Variants in NELL1 observed in about 807,000 individuals in gnomAD.
NELL1 encodes the protein protein kinase C-binding protein NELL1.
In NELL1, 76 loss-of-function variants were observed where a neutral mutation model predicts 107.4. That is an observed-to-expected ratio of 0.71 (90% CI 0.59 to 0.86). The LOEUF (loss-of-function observed/expected upper bound fraction) is 0.86. NELL1 is among the 40% of genes least tolerant of loss of function. The pLI is 0.00. For synonymous variants in NELL1, 353 were observed against 341.2 expected (o/e 1.03, Z -0.38); for missense variants, 1,024 against 1,005.5 (o/e 1.02, Z -0.25).
intron 16 of NELL1, among the ~76,000 whole-genome samples, chr11:21,535,222 G>A (rs10833560): frequency 0.34 from 51,743 of 151,838 alleles, 10,728 homozygotes; most frequent in Non-Finnish European, 0.47. Flanking sequence ...CATGAAATCC[G>A]AACAACTGAT....
Position 21,575,387 on chromosome 11 carries a change from A to G in NELL1, c.*365A>G, listed in dbSNP as rs1000141105. 5.6e-6 allele frequency: 1 copy of G among 178,274 alleles called. No homozygotes were observed. Among genetic ancestry groups the G allele is most frequent in the African/African-American group, 2.4e-5 (1 of 42,264 alleles). 11.0% of individuals were successfully genotyped at this position (178,274 alleles called of 1,614,324 possible). ...TTTTGTGTACTAACATAATAGAGAG[A>G]GACTCAGCTCCTTTTATTTATTTTG... On this transcript the variant is annotated 3_prime_UTR_variant, in exon 20 of 20. Transcript: ENST00000357134.
At chr11:21,237,233 A>G (rs1383297359) in intron 14 of NELL1, among the ~76,000 whole-genome samples, 1 of 152,116 alleles carries the variant, frequency 6.6e-6, no homozygotes, top group Admixed American at 6.6e-5. Flanking sequence ...AGGATCTGCA[A>G]TAATGTTATC....
At chr11:21,410,413 G>A (rs1379668673) in intron 15 of NELL1, among the ~76,000 whole-genome samples, 1 of 152,080 alleles carries the variant, frequency 6.6e-6, no homozygotes, top group Non-Finnish European at 1.5e-5. Flanking sequence ...AGGAAGGCGA[G>A]TAGGGAAAGC....
At chr11:21,291,937 A>G (rs2133961010) in intron 14 of NELL1, among the ~76,000 whole-genome samples, 2 of 152,268 alleles carry the variant, frequency 1.3e-5, no homozygotes, top group East Asian at 3.9e-4. Flanking sequence ...CAAAATAATA[A>G]GAGCTATTTA....
At chr11:21,344,513 CT>C (rs571641852) in intron 14 of NELL1, among the ~76,000 whole-genome samples, 29 of 149,192 alleles carry the variant, frequency 1.9e-4, no homozygotes, top group East Asian at 1.2e-3. Flanking sequence ...TAACAATTTT[CT>C]TTTTTTTTTC....
intron 2 of NELL1, among the ~76,000 whole-genome samples, chr11:20,727,102 G>A (rs1855525011): frequency 6.6e-6 from 1 of 152,142 alleles, no homozygotes; most frequent in South Asian, 2.1e-4. Flanking sequence ...AATCCTTTGG[G>A]TATATACCCA....
At chr11:21,054,394 G>A (rs1389192169) in intron 12 of NELL1, among the ~76,000 whole-genome samples, 1 of 151,862 alleles carries the variant, frequency 6.6e-6, no homozygotes. Context: ...TAAACACAGT[G>A]TTGTGATTAT....
chr11:21,392,870 A>T (rs960171528), intron 15 of NELL1, among the ~76,000 whole-genome samples: 2 of 151,796 alleles, frequency 1.3e-5, no homozygotes, highest in Admixed American at 6.6e-5. Flanking sequence ...TATTTATCTA[A>T]TTTCAAAGAC....
intron 2 of NELL1, among the ~76,000 whole-genome samples, chr11:20,720,913 T>A (rs1232939226): frequency 6.6e-6 from 1 of 152,018 alleles, no homozygotes; most frequent in East Asian, 1.9e-4. Flanking sequence ...ACATATGAAT[T>A]TTTGGGGGGA....
chr11:21,107,017 A>G (rs1854985771), intron 12 of NELL1, among the ~76,000 whole-genome samples: 1 of 152,158 alleles, frequency 6.6e-6, no homozygotes. Context: ...GTATTTTTAG[A>G]GCAGTTCTAC....
intron 15 of NELL1, among the ~76,000 whole-genome samples, chr11:21,459,931 T>G (rs2133870662): frequency 6.6e-6 from 1 of 152,168 alleles, no homozygotes; most frequent in East Asian, 1.9e-4. Flanking sequence ...AGAGAAGGAT[T>G]TTCTTGGAGA....
chr11:20,927,485 G>C (rs115015990), intron 8 of NELL1, 43 bp downstream of exon 8: 4 of 1,577,534 alleles, frequency 2.5e-6, no homozygotes, highest in African/African-American at 1.4e-5. Context: ...CAGTTTTAAG[G>C]GGAGAGGTTT....
At chr11:20,766,692 G>T (rs1456241255) in intron 2 of NELL1, among the ~76,000 whole-genome samples, 2 of 151,372 alleles carry the variant, frequency 1.3e-5, no homozygotes, top group African/African-American at 2.4e-5. Flanking sequence ...TTCTTATTTT[G>T]AGCACTTACC....
At chr11:20,691,480 G>T (rs372088499) in intron 2 of NELL1, among the ~76,000 whole-genome samples, 6 of 152,134 alleles carry the variant, frequency 3.9e-5, no homozygotes, top group Middle Eastern at 3.4e-3. Context: ...TTTATTGAGC[G>T]TTTTTAGCAT....
At position 21,573,298 on chromosome 11, in the gene NELL1, T is replaced by A. The variant is rs768767444; in HGVS notation, c.2271T>A (p.Asp757Glu). The change falls in exon 19 of 20, where the codon GAT becomes GAA. Residue 757 changes from aspartate to glutamate, a missense_variant. Transcript: ENST00000357134. The stretch of plus-strand genomic sequence containing the variant: ...GTGTCAGTGACCCCTGCCTAGCTGA[T>A]AACATCACCTATGACATCAGAAAAA... ...PRCVSDPCLA[D>E]NITYDIRKTC... 3.7e-6 allele frequency: 6 copies of A among 1,612,428 alleles called. No individual in the cohort carries two copies. The Middle Eastern group carries it at 6.6e-4, about 177-fold the overall frequency.
chr11:20,928,833 C>T (rs1850556592), intron 9 of NELL1, among the ~76,000 whole-genome samples: 1 of 152,184 alleles, frequency 6.6e-6, no homozygotes, highest in Non-Finnish European at 1.5e-5. Flanking sequence ...TTAGTCCCCT[C>T]ATTCTAAATG....
intron 2 of NELL1, among the ~76,000 whole-genome samples, chr11:20,692,238 C>G (rs1272757427): frequency 6.6e-6 from 1 of 151,248 alleles, no homozygotes; most frequent in Non-Finnish European, 1.5e-5. Context: ...AAAACCAGCT[C>G]CTGGATTCAT....
intron 13 of NELL1, among the ~76,000 whole-genome samples, chr11:21,193,221 G>T (rs1179639628): frequency 6.6e-6 from 1 of 151,778 alleles, no homozygotes; most frequent in Non-Finnish European, 1.5e-5. Context: ...GATCTGTTTT[G>T]CCCAAGAATG....
chr11:20,688,089 G>A (rs1490040944), intron 2 of NELL1, among the ~76,000 whole-genome samples: 2 of 151,814 alleles, frequency 1.3e-5, no homozygotes, highest in Non-Finnish European at 2.9e-5. Context: ...ATTTTATTTA[G>A]TATACTTTTA....
Sources: gnomAD v4.1 joint callset for allele counts (sites outside exome capture counted in the v4.1 genomes callset) on GRCh38, gnomAD v4.1.1 for gene constraint, MANE v1.5 for transcripts, NCBI Gene and HGNC (gene_info 2026-07-23, HGNC 2026-07-21) for gene names.